ATP11C: variants seen among roughly 807,000 people sequenced by gnomAD.
ATP11C encodes the protein phospholipid-transporting ATPase IG.
Under a neutral mutation model 97.4 loss-of-function variants are expected in ATP11C, and 36 were observed. The observed-to-expected ratio is 0.37, with a 90% CI of 0.28 to 0.49. ATP11C has a LOEUF of 0.49. Among genes scored for constraint, ATP11C ranks in the 20% least tolerant of loss-of-function variants. The probability of loss-of-function intolerance (pLI) is 0.98; values close to 1 mark genes in which losing one functional copy is unlikely to be tolerated. For missense variants in ATP11C, 730 were observed against 824.6 expected (o/e 0.89, Z 1.40); for synonymous variants, 275 against 290.9 (o/e 0.95, Z 0.56).
Position 139,840,123 on chromosome X carries a change from C to A in ATP11C, c.28-13300G>T, listed in dbSNP as rs1310352900. 2.7e-5 allele frequency among the ~76,000 whole-genome samples: 3 copies of A among 112,004 alleles called. No individual in the cohort carries two copies. The Admixed American group carries it at 2.8e-4, about 11-fold the overall frequency. On this transcript the variant is annotated intron_variant, in intron 1 of 29. Transcript: ENST00000682941. Reference sequence around the variant, plus strand: ...CATGAAGAAAATCTCAATTCAGTTTCTCAAAAAGCCGAAACACCAAGTCTC... The same window carrying A: ...CATGAAGAAAATCTCAATTCAGTTTATCAAAAAGCCGAAACACCAAGTCTC...
intron 1 of ATP11C, among the ~76,000 whole-genome samples, chrX:139,920,048 C>T (rs1035647052): frequency 2.7e-5 from 3 of 111,737 alleles, no homozygotes; most frequent in Non-Finnish European, 1.9e-5. Flanking sequence ...CTCCATAAAA[C>T]GGAGTATTCT....
chrX:139,901,075 T>C (rs992826445), intron 1 of ATP11C, among the ~76,000 whole-genome samples: 13 of 111,469 alleles, frequency 1.2e-4, no homozygotes, highest in African/African-American at 3.3e-4. Flanking sequence ...GATGAAAGAA[T>C]TGAACAATGG....
rs111707796 is a variant in ATP11C at position 139,914,453 on chromosome X, A to G, written c.27+17563T>C. Among the ~76,000 whole-genome samples the G allele has an allele frequency of 3.0e-3, 338 of 112,611 alleles. 2 individuals are homozygous for G. Among genetic ancestry groups the G allele is most frequent in the African/African-American group, 9.0e-3 (280 of 31,034 alleles). On this transcript the variant is annotated intron_variant, in intron 1 of 29. Coordinates refer to ENST00000682941, the MANE Select transcript of ATP11C (RefSeq NM_001353812.2). Reference sequence around the variant, plus strand: ...ATTCATCTTCACATGATCCTAGGACATAAATGTGACAGTTAATTTTATGTG... The same window carrying G: ...ATTCATCTTCACATGATCCTAGGACGTAAATGTGACAGTTAATTTTATGTG...
intron 5 of ATP11C, among the ~76,000 whole-genome samples, chrX:139,806,774 G>A (rs1223531101): frequency 9.0e-6 from 1 of 111,537 alleles, no homozygotes; most frequent in African/African-American, 3.3e-5. Context: ...GGTGACTGCT[G>A]TGAAGAAATA....
At chrX:139,878,349 G>A (rs2084509988) in intron 1 of ATP11C, among the ~76,000 whole-genome samples, 1 of 112,033 alleles carries the variant, frequency 8.9e-6, no homozygotes, top group African/African-American at 3.3e-5. Flanking sequence ...TACCAATAAT[G>A]TGGCCAAAAT....
intron 12 of ATP11C, among the ~76,000 whole-genome samples, chrX:139,795,813 T>A (rs903353488): frequency 9.0e-6 from 1 of 111,660 alleles, no homozygotes; most frequent in African/African-American, 3.3e-5. Context: ...CTGGAATAAA[T>A]AACTCTGCTT....
At chrX:139,816,976 G>T (rs1422954919) in intron 3 of ATP11C, 33 bp from the exon 4 acceptor site, 1 of 1,031,561 alleles carries the variant, frequency 9.7e-7, no homozygotes, top group Non-Finnish European at 1.3e-6. Context: ...AAAGTAAAAT[G>T]AAAATTTGTC....
chrX:139,879,721 A>G (rs1232224185), intron 1 of ATP11C, among the ~76,000 whole-genome samples: 1 of 112,322 alleles, frequency 8.9e-6, no homozygotes. Context: ...ATATTTTAAA[A>G]TAATTTTTCA....
chrX:139,859,073 T>C (rs894187850), intron 1 of ATP11C, among the ~76,000 whole-genome samples: 6 of 112,034 alleles, frequency 5.4e-5, no homozygotes, highest in African/African-American at 1.9e-4. Context: ...TAAGACAAAC[T>C]TTTTTTTACA....
chrX:139,761,840 A>C, intron 22 of ATP11C, 121 bp downstream of exon 22: 2 of 508,636 alleles, frequency 3.9e-6, no homozygotes, highest in Non-Finnish European at 5.8e-6. Context: ...TGTTGACTGC[A>C]AATTTCAGTA....
At chrX:139,800,259 G>A (rs891451783) in intron 7 of ATP11C, 149 bp from the exon 8 acceptor site, 15 of 438,991 alleles carry the variant, frequency 3.4e-5, no homozygotes, top group African/African-American at 3.3e-4. Flanking sequence ...ATTTCTGGGG[G>A]AAAAAAAGTT....
chrX:139,769,277 CATACATA>C, intron 19 of ATP11C, among the ~76,000 whole-genome samples: 1 of 34,537 alleles, frequency 2.9e-5, no homozygotes, highest in East Asian at 1.1e-3. Flanking sequence ...TTGGGGCAAA[CATACATA>C]TATATATATA....
intron 1 of ATP11C, among the ~76,000 whole-genome samples, chrX:139,929,427 C>T (rs1231390525): frequency 9.0e-6 from 1 of 111,663 alleles, no homozygotes; most frequent in Non-Finnish European, 1.9e-5. Flanking sequence ...TTGGAAAACT[C>T]GAAAAATAAA....
intron 1 of ATP11C, among the ~76,000 whole-genome samples, chrX:139,864,103 T>C (rs1287024597): frequency 9.0e-6 from 1 of 111,441 alleles, no homozygotes; most frequent in Non-Finnish European, 1.9e-5. Context: ...AAAAGAGTAT[T>C]AGCAAAAAAA....
intron 22 of ATP11C, among the ~76,000 whole-genome samples, chrX:139,758,262 A>T (rs2081975092): frequency 8.9e-6 from 1 of 112,514 alleles, no homozygotes. Context: ...AATAGTTGGG[A>T]AATTATTATA....
Position 139,768,432 on chromosome X carries a change from G to A in ATP11C, c.2219C>T (p.Ala740Val). The change falls in exon 20 of 30, where the codon GCA becomes GTA. Residue 740 changes from alanine (A) to valine (V), a missense_variant and splice_region_variant. Physicochemically the swap from Ala to Val is moderately conservative, Grantham distance 64 (BLOSUM62 0). Coordinates refer to ENST00000682941, the MANE Select transcript of ATP11C (RefSeq NM_001353812.2). ...FPKSTRSFKK[A>V]WTEHQEYGLI... ...TCCATATTCCTGATGTTCTGTCCATGCTCTGAAAAAGAGAAACAATGCTAT... is the reference window on the plus strand; with the variant it reads ...TCCATATTCCTGATGTTCTGTCCATACTCTGAAAAAGAGAAACAATGCTAT... 1 of 1,095,601 alleles carries A rather than the reference G, an allele frequency of 9.1e-7. No homozygotes were observed. The highest frequency in any genetic ancestry group is 1.2e-6 in the Non-Finnish European group (1 of 832,555). The allele number at this position is 1,095,601 out of a possible 1,213,427, so 90.3% of individuals were successfully genotyped here. A position where few individuals can be genotyped will look rare whatever the true frequency, so the allele number is the denominator to read the frequency against.
rs751509350 is a variant in ATP11C at position 139,774,725 on chromosome X, C to T, written c.2181G>A (p.Leu727=). 2.5e-6 allele frequency: 3 copies of T among 1,208,264 alleles called. No individual in the cohort carries two copies. In the African/African-American group the frequency reaches 5.2e-5, roughly 21 times the overall value. ...TTCTAGTACTTTTAGGAAACTCATG[C>T]AGCAATTTCTTGCGATATTCTATCA... ...ELLIEYRKKL[L]HEFPKSTRSF... is the part of the protein sequence containing the mutation. Residue 727 remains leucine (L), a synonymous_variant, in exon 19 of 30, where the codon CTG becomes CTA. Coordinates refer to ENST00000682941, the MANE Select transcript of ATP11C (RefSeq NM_001353812.2).
chrX:139,900,367 CAA>C (rs34007097), intron 1 of ATP11C, among the ~76,000 whole-genome samples: 254 of 36,788 alleles, frequency 6.9e-3, no homozygotes, highest in Non-Finnish European at 9.8e-3. Flanking sequence ...GACTCCGTCT[CAA>C]AAAAAAAAAA....
At chrX:139,823,961 A>G (rs962975987) in intron 2 of ATP11C, among the ~76,000 whole-genome samples, 1 of 109,133 alleles carries the variant, frequency 9.2e-6, no homozygotes, top group Non-Finnish European at 1.9e-5. Flanking sequence ...AAACAGTAAG[A>G]AAAAAAATCA....
Sources: gnomAD v4.1 joint callset for allele counts (sites outside exome capture counted in the v4.1 genomes callset) on GRCh38, gnomAD v4.1.1 for gene constraint, MANE v1.5 for transcripts, NCBI Gene and HGNC (gene_info 2026-07-23, HGNC 2026-07-21) for gene names.